Variants in ASIP observed in about 807,000 individuals in gnomAD.
ASIP encodes the protein agouti signaling protein.
A neutral mutation model predicts 10.3 loss-of-function variants in ASIP; 11 were observed. The observed-to-expected ratio is 1.07, with a 90% CI of 0.68 to 1.78. The LOEUF (loss-of-function observed/expected upper bound fraction) is 1.78, where lower values mean the gene tolerates loss of function less well. ASIP is among the 40% of genes most tolerant of loss of function. ASIP has a pLI of 0.00. For synonymous variants in ASIP, 70 were observed against 70.8 expected (o/e 0.99, Z 0.06); for missense variants, 180 against 169.2 (o/e 1.06, Z -0.35).
rs371757963 is a variant in ASIP at position 34,246,250 on chromosome 20, T to TCTCTTCTGTTTTTTCTTCTC, written c.-11+4769_-11+4788dup. 2.8e-3 allele frequency: 4,384 copies of TCTCTTCTGTTTTTTCTTCTC among 1,547,670 alleles called. 139 individuals are homozygous for TCTCTTCTGTTTTTTCTTCTC. The African/African-American group carries it at 0.054, about 19-fold the overall frequency. ...TTTGTTTTATTTGGCCTCTTCCACC[T>TCTCTTCTGTTTTTTCTTCTC]CTCTTCTGTTTTTTCTTCTCCTCTT... On this transcript the variant is annotated intron_variant, in intron 1 of 3. Transcript: ENST00000374954.
At chr20:34,251,238 CATA>C (rs2035469618) in intron 1 of ASIP, among the ~76,000 whole-genome samples, 1 of 152,068 alleles carries the variant, frequency 6.6e-6, no homozygotes, top group African/African-American at 2.4e-5. Context: ...CTTAAGGAAA[CATA>C]ATAAGTGACC....
intron 3 of ASIP, among the ~76,000 whole-genome samples, chr20:34,266,067 A>G (rs1160939691): frequency 3.3e-5 from 5 of 152,176 alleles, no homozygotes. Context: ...GTTAAAAGGC[A>G]TAATGGCCAG....
intron 1 of ASIP, among the ~76,000 whole-genome samples, chr20:34,196,712 C>T (rs76091428): frequency 1.3e-5 from 2 of 152,226 alleles, no homozygotes; most frequent in Non-Finnish European, 2.9e-5. Flanking sequence ...CCTGCGTAGC[C>T]GGTTCTGAGG....
chr20:34,244,669 C>T (rs1319068264), intron 1 of ASIP, among the ~76,000 whole-genome samples: 1 of 152,132 alleles, frequency 6.6e-6, no homozygotes, highest in Non-Finnish European at 1.5e-5. Flanking sequence ...TTACGCAAGG[C>T]TGGTTATTTC....
In ASIP at chr20:34,269,304, T is replaced by G; in HGVS notation, c.*137T>G. On this transcript the variant is annotated 3_prime_UTR_variant, in exon 4 of 4. Coordinates refer to ENST00000374954, the MANE Select transcript of ASIP (RefSeq NM_001672.3). ...CAGGAGATGGGACTTCAGGGAGACC[T>G]GGCTTGGGCTAAAATCGAAATACAA... The G allele has an allele frequency of 8.9e-7, 1 of 1,122,866 alleles. No homozygotes were observed. Among genetic ancestry groups the G allele is most frequent in the Non-Finnish European group, 1.2e-6 (1 of 829,432 alleles). The allele number at this position is 1,122,866 out of a possible 1,614,324, so 69.6% of individuals were successfully genotyped here. A position where few individuals can be genotyped will look rare whatever the true frequency, so the allele number is the denominator to read the frequency against.
intron 1 of ASIP, among the ~76,000 whole-genome samples, chr20:34,226,514 G>A (rs927619421): frequency 2.0e-4 from 31 of 151,900 alleles, no homozygotes; most frequent in Admixed American, 3.3e-4. Flanking sequence ...CACAAGGCCC[G>A]GCTAATTTTT....
the ASIP span, among the ~76,000 whole-genome samples, chr20:34,188,481 G>A: frequency 6.6e-6 from 1 of 152,356 alleles, no homozygotes; most frequent in African/African-American, 2.4e-5. Flanking sequence ...GGGGGTTGAT[G>A]TGTCATTAAC....
intron 1 of ASIP, among the ~76,000 whole-genome samples, chr20:34,216,574 T>C (rs559146769): frequency 2.4e-4 from 37 of 152,352 alleles, no homozygotes; most frequent in Middle Eastern, 3.4e-3. Context: ...TTAATGTAGG[T>C]CTATGATCCA....
chr20:34,202,815 T>TTTA (rs2034908744), intron 1 of ASIP, among the ~76,000 whole-genome samples: 6 of 145,172 alleles, frequency 4.1e-5, no homozygotes, highest in Admixed American at 4.1e-4. Context: ...TTTTTTTTTT[T>TTTA]TTTTTTTTTT....
Position 34,235,929 on chromosome 20 carries a change from A to AG in ASIP, c.-10-24435dup, listed in dbSNP as rs1245151240. ...AAGGAAGGAAGGAAGGAAGGAAGGA[A>AG]GCGGGAGGGAGGGAAGAAGGAAGGA... On this transcript the variant is annotated intron_variant, in intron 1 of 3. Transcript: ENST00000568305. 1.2e-4 allele frequency among the ~76,000 whole-genome samples: 10 copies of AG among 85,302 alleles called. No homozygotes were observed. In the African/African-American group the frequency reaches 1.5e-3, roughly 13 times the overall value. The allele number at this position is 85,302 out of a possible 152,430, so 56.0% of individuals were successfully genotyped here. A position where few individuals can be genotyped will look rare whatever the true frequency, so the allele number is the denominator to read the frequency against.
intron 1 of ASIP, among the ~76,000 whole-genome samples, chr20:34,227,157 A>G (rs2122572776): frequency 6.6e-6 from 1 of 152,322 alleles, no homozygotes; most frequent in South Asian, 2.1e-4. Flanking sequence ...GAAGCATACA[A>G]GATTAATATA....
chr20:34,187,013 C>T, the ASIP span, among the ~76,000 whole-genome samples: 2 of 152,056 alleles, frequency 1.3e-5, no homozygotes, highest in Non-Finnish European at 2.9e-5. Flanking sequence ...GGGGTTTCAC[C>T]GTGTTACCCA....
chr20:34,217,707 G>A (rs1205826619), intron 1 of ASIP, among the ~76,000 whole-genome samples: 3 of 151,716 alleles, frequency 2.0e-5, no homozygotes, highest in Non-Finnish European at 4.4e-5. Context: ...GACTGCAGGC[G>A]CCCACCACCA....
chr20:34,236,459 G>A (rs954396713), upstream of ASIP, among the ~76,000 whole-genome samples: 12 of 152,038 alleles, frequency 7.9e-5, no homozygotes, highest in African/African-American at 1.2e-4. Context: ...CAGAAGAATC[G>A]CTTGAATCCA....
At chr20:34,210,376 G>T (rs973337211) in intron 1 of ASIP, among the ~76,000 whole-genome samples, 11 of 152,344 alleles carry the variant, frequency 7.2e-5, no homozygotes, top group African/African-American at 2.4e-4. Context: ...CCAGTGGCAG[G>T]TGTGGAAGCT....
chr20:34,206,807 C>T (rs569889578), intron 1 of ASIP, among the ~76,000 whole-genome samples: 1 of 152,276 alleles, frequency 6.6e-6, no homozygotes, highest in South Asian at 2.1e-4. Context: ...TCAAACTTCT[C>T]CTGACCTCGT....
intron 1 of ASIP, among the ~76,000 whole-genome samples, chr20:34,252,765 G>C (rs1276007521): frequency 1.3e-5 from 2 of 152,154 alleles, no homozygotes; most frequent in Non-Finnish European, 2.9e-5. Context: ...TGTCTCAGTG[G>C]GGGGAAACCT....
intron 1 of ASIP, chr20:34,215,255 C>T: frequency 1.9e-6 from 3 of 1,554,074 alleles, no homozygotes; most frequent in Non-Finnish European, 2.7e-6. Context: ...ATCCAAGAGA[C>T]ATAAGCCCCA....
chr20:34,211,750 A>G (rs1292610847), intron 1 of ASIP, among the ~76,000 whole-genome samples: 2 of 152,146 alleles, frequency 1.3e-5, no homozygotes, highest in Non-Finnish European at 2.9e-5. Flanking sequence ...GTTTCCTTTG[A>G]GAAATTAGCA....
Sources: allele counts gnomAD v4.1 joint callset (sites outside exome capture counted in the v4.1 genomes callset), GRCh38; gene constraint gnomAD v4.1.1; transcripts MANE v1.5; gene names NCBI Gene and HGNC (gene_info 2026-07-23, HGNC 2026-07-21).